The following GALP variants were observed in gnomAD, a reference collection of about 807,000 sequenced individuals.
The protein encoded by GALP is galanin like peptide, also known as galanin-like peptide.
GALP carries 12 observed loss-of-function variants against 15.2 expected under a neutral mutation model. The observed-to-expected ratio is 0.79, with a 90% CI of 0.51 to 1.28. The LOEUF (loss-of-function observed/expected upper bound fraction) is 1.28, where lower values mean the gene tolerates loss of function less well. GALP is among the 50% of genes most tolerant of loss of function. GALP has a pLI of 0.00. For missense variants in GALP, 161 were observed against 145.6 expected (o/e 1.11, Z -0.55); for synonymous variants, 58 against 55.1 (o/e 1.05, Z -0.23).
chr19:56,177,159 C>T lies in GALP; in HGVS notation c.51C>T (p.Ser17=), dbSNP rs751997799. 88 of 1,613,526 alleles carry T rather than the reference C, an allele frequency of 5.5e-5. 1 individual carries two copies. In the South Asian group the frequency reaches 9.0e-4, roughly 17 times the overall value. ...PLVLLLVLLL[S]LAETPASAPA... is the part of the protein sequence containing the mutation. ...TCCTCCTCCTCGTCCTCTTGCTGAG[C>T]CTGGCAGAGACTCCAGCATCCGCAC... is the stretch of plus-strand genomic sequence containing the variant. Residue 17 remains serine, a synonymous_variant, in exon 2 of 6, where the codon AGC becomes AGT. Coordinates refer to ENST00000357330, the MANE Select transcript of GALP (RefSeq NM_033106.4).
intron 3 of GALP, among the ~76,000 whole-genome samples, chr19:56,180,865 A>ATC (rs367651710): frequency 9.5e-5 from 13 of 136,356 alleles, no homozygotes; most frequent in South Asian, 9.4e-4. Flanking sequence ...TGCAACCTTG[A>ATC]TCTCTCTCTC....
chr19:56,181,052 T>A (rs2032559591), intron 3 of GALP, among the ~76,000 whole-genome samples: 1 of 151,290 alleles, frequency 6.6e-6, no homozygotes, highest in African/African-American at 2.4e-5. Flanking sequence ...CTCAGCCTCC[T>A]GAGTAGCTGG....
At chr19:56,182,501 T>C (rs2032584495) in intron 4 of GALP, among the ~76,000 whole-genome samples, 1 of 152,184 alleles carries the variant, frequency 6.6e-6, no homozygotes, top group South Asian at 2.1e-4. Context: ...GTGTTTTCTC[T>C]GCATCAGACC....
Position 56,185,228 on chromosome 19 carries a change from CA to C in GALP, c.310del (p.Ser104AlafsTer2), listed in dbSNP as rs1449471122. On this transcript the variant is annotated frameshift_variant, in exon 6 of 6. Transcript: ENST00000357330. LOFTEE classifies it low-confidence loss of function (END_TRUNC). Reference sequence around the variant, plus strand: ...TCTTTCCCACAGATCTGGGCATGCTCAGCATGAAAATTCCCAAGGAGGAAGA... The same window carrying C: ...TCTTTCCCACAGATCTGGGCATGCTCGCATGAAAATTCCCAAGGAGGAAGA... ...KPEIGDLGML[S>X]MKIPKEEDVL... The C allele has an allele frequency of 5.6e-6, 9 of 1,607,424 alleles. 1 individual carries two copies. The highest frequency in any genetic ancestry group is 7.7e-6 in the Non-Finnish European group (9 of 1,174,784).
rs762960139 is a variant in GALP, at chr19:56,182,211, G to C, written c.176G>C (p.Arg59Thr). The change falls in exon 4 of 6, where the codon AGG becomes ACG. Residue 59 changes from arginine to threonine, a missense_variant. Physicochemically the swap from Arg to Thr is moderately conservative, Grantham distance 71. Transcript: ENST00000357330. ...LPQMGDQDGK[R>T]ETALEILDLW... ...CAAATGGGTGACCAAGACGGAAAGA[G>C]GGAGACAGCCCTTGAGATCCTAGAC... The C allele has an allele frequency of 1.2e-6, 2 of 1,614,038 alleles. No individual in the cohort carries two copies. Among genetic ancestry groups the C allele is most frequent in the Non-Finnish European group, 1.7e-6 (2 of 1,179,886 alleles).
At position 56,184,384 on chromosome 19, in the gene GALP, C is replaced by G. The variant is rs139924147; in HGVS notation, c.296-831C>G. Among the ~76,000 whole-genome samples, 344 of 152,272 alleles carry G rather than the reference C, an allele frequency of 2.3e-3. 1 individual carries two copies. The highest frequency in any genetic ancestry group is 0.018 in the East Asian group (93 of 5,194). On this transcript the variant is annotated intron_variant, in intron 5 of 5. Transcript: ENST00000357330. The stretch of plus-strand genomic sequence containing the variant: ...TGCCACCTTCCCACCCAATCATGAG[C>G]TCAGCAGATGCCCAAACCCCAGCTT...
chr19:56,178,889 T>C (rs1325177061), intron 2 of GALP, among the ~76,000 whole-genome samples: 1 of 152,164 alleles, frequency 6.6e-6, no homozygotes, highest in Non-Finnish European at 1.5e-5. Context: ...GTCTGGAATC[T>C]ACCGGCCGGG....
At position 56,185,195 on chromosome 19, in the gene GALP, T is replaced by C; in HGVS notation, c.296-20T>C. ...ATAGTGAGAAAAACCATTCAAAGTT[T>C]ACCTCTTTCTTTCCCACAGATCTGG... is the stretch of plus-strand genomic sequence containing the variant. On this transcript the variant is annotated intron_variant, in intron 5 of 5. Transcript: ENST00000357330. The C allele has an allele frequency of 6.4e-7, 1 of 1,567,082 alleles. No individual in the cohort carries two copies. Among genetic ancestry groups the C allele is most frequent in the Non-Finnish European group, 8.8e-7 (1 of 1,139,260 alleles).
intron 2 of GALP, among the ~76,000 whole-genome samples, chr19:56,178,281 T>G (rs1193285913): frequency 6.6e-6 from 1 of 150,726 alleles, no homozygotes; most frequent in Non-Finnish European, 1.5e-5. Context: ...CTGGGCAACA[T>G]AGTGAGAACC....
chr19:56,180,611 G>C lies in GALP; in HGVS notation c.113G>C (p.Ser38Thr). 1 of 1,614,002 alleles carries C rather than the reference G, an allele frequency of 6.2e-7. No homozygotes were observed. The highest frequency in any genetic ancestry group is 8.5e-7 in the Non-Finnish European group (1 of 1,179,956). The change falls in exon 3 of 6, where the codon AGT (serine) becomes ACT (threonine). Residue 38 changes from serine to threonine, a missense_variant. By Grantham distance (58) the Ser-to-Thr change is moderately conservative. Coordinates refer to ENST00000357330, the MANE Select transcript of GALP (RefSeq NM_033106.4). ...HRGRGGWTLN[S>T]AGYLLGPVLH... ...GGACGAGGAGGCTGGACCCTCAATA[G>C]TGCTGGCTACCTTCTGGGTCCCGGT...
In GALP at chr19:56,177,089, C is replaced by G. The variant is rs868181083; in HGVS notation, c.-20C>G. On this transcript the variant is annotated 5_prime_UTR_variant, in exon 2 of 6. Coordinates refer to ENST00000357330, the MANE Select transcript of GALP (RefSeq NM_033106.4). ...TTGCAGCGTGTTCCGCAGCTGTAGGCACCTGTCGTCCTGCCTTCGATGGCT... is the reference window on the plus strand; with the variant it reads ...TTGCAGCGTGTTCCGCAGCTGTAGGGACCTGTCGTCCTGCCTTCGATGGCT... 6.3e-7 allele frequency: 1 copy of G among 1,597,944 alleles called. No homozygotes were observed. Among genetic ancestry groups the G allele is most frequent in the Admixed American group, 1.7e-5 (1 of 59,226 alleles).
chr19:56,181,840 C>G (rs1299035635), intron 3 of GALP, among the ~76,000 whole-genome samples: 1 of 152,100 alleles, frequency 6.6e-6, no homozygotes. Flanking sequence ...TCCCGTGGTG[C>G]TCAAGGTTGG....
rs1030284365 is a variant in GALP, at chr19:56,182,369, G to T, written c.217+117G>T. ...CTCACCCTGCCGCTTACTATTTGGG[G>T]GGCCCTGGGCAAGTGATGCGTTTCC... On this transcript the variant is annotated intron_variant, in intron 4 of 5. Transcript: ENST00000357330. The T allele has an allele frequency of 1.0e-5, 7 of 685,114 alleles. No individual in the cohort carries two copies. In the African/African-American group the frequency reaches 1.1e-4, roughly 11 times the overall value. 42.4% of individuals were successfully genotyped at this position (685,114 alleles called of 1,614,324 possible). A position where few individuals can be genotyped will look rare whatever the true frequency, so the allele number is the denominator to read the frequency against.
At chr19:56,182,793 G>A (rs2032588740) in intron 4 of GALP, among the ~76,000 whole-genome samples, 1 of 152,258 alleles carries the variant, frequency 6.6e-6, no homozygotes, top group Admixed American at 6.5e-5. Flanking sequence ...CCTGACCTCA[G>A]GAGATCTGCC....
At chr19:56,181,825 G>A (rs1044048303) in intron 3 of GALP, among the ~76,000 whole-genome samples, 4 of 152,088 alleles carry the variant, frequency 2.6e-5, no homozygotes, top group Admixed American at 6.6e-5. Context: ...ATAAAATACC[G>A]AGATTCCCGT....
At chr19:56,182,663 G>A (rs117521787) in intron 4 of GALP, among the ~76,000 whole-genome samples, 1,847 of 152,220 alleles carry the variant, frequency 0.012, 22 homozygotes, top group Middle Eastern at 0.02. Context: ...GCTCACGCCT[G>A]TCATCCATAC....
At chr19:56,178,458 A>T (rs903963298) in intron 2 of GALP, among the ~76,000 whole-genome samples, 1 of 150,796 alleles carries the variant, frequency 6.6e-6, no homozygotes, top group Admixed American at 6.7e-5. Context: ...GCAATAACCC[A>T]TCTCAAACAA....
intron 5 of GALP, 45 bp downstream of exon 5, chr19:56,183,257 G>A: frequency 6.8e-7 from 1 of 1,463,982 alleles, no homozygotes; most frequent in South Asian, 1.1e-5. Flanking sequence ...AGGAGAGGGG[G>A]AACAAGGAAG....
At position 56,177,117 on chromosome 19, in the gene GALP, T is replaced by C. The variant is rs2032477113; in HGVS notation, c.9T>C (p.Pro3=). 1 of 1,613,110 alleles carries C rather than the reference T, an allele frequency of 6.2e-7. No individual in the cohort carries two copies. Among genetic ancestry groups the C allele is most frequent in the Non-Finnish European group, 8.5e-7 (1 of 1,179,672 alleles). The change falls in exon 2 of 6, where the codon CCT becomes CCC. Residue 3 remains proline, a synonymous_variant. Transcript: ENST00000357330. The stretch of plus-strand genomic sequence containing the variant: ...CTGTCGTCCTGCCTTCGATGGCTCC[T>C]CCCTCCGTCCCCCTGGTCCTCCTCC... MA[P]PSVPLVLLLV...
Sources: allele counts gnomAD v4.1 joint callset (sites outside exome capture counted in the v4.1 genomes callset), GRCh38; gene constraint gnomAD v4.1.1; transcripts MANE v1.5; gene names NCBI Gene and HGNC (gene_info 2026-07-23, HGNC 2026-07-21).